Variants in CNDP1 observed in about 807,000 individuals in gnomAD.
CNDP1 encodes the protein carnosine dipeptidase 1.
Under a neutral mutation model 58.1 loss-of-function variants are expected in CNDP1, and 44 were observed. The observed-to-expected ratio is 0.76, with a 90% confidence interval of 0.60 to 0.97. The LOEUF (loss-of-function observed/expected upper bound fraction) is 0.97. Ranked by LOEUF, CNDP1 falls within the 50% of genes least tolerant of loss-of-function variation. The pLI is 0.00. For synonymous variants in CNDP1, 254 were observed against 252.6 expected, an observed-to-expected ratio of 1.01 and a Z score of -0.05; for missense variants, 616 against 655.1, an observed-to-expected ratio of 0.94 and a Z score of 0.65.
chr18:74,567,282 G>C lies in CNDP1; in HGVS notation c.605G>C (p.Gly202Ala), dbSNP rs1299893381. 6.2e-7 allele frequency: 1 copy of C among 1,614,192 alleles called. No individual in the cohort carries two copies. The highest frequency in any genetic ancestry group is 8.5e-7 in the Non-Finnish European group (1 of 1,180,012). ...ATCATTGAGGGGATGGAAGAGGCTG[G>C]CTCTGTTGCCCTGGAGGAACTTGTG... ...KFIIEGMEEA[G>A]SVALEELVEK... Residue 202 changes from glycine (G) to alanine (A), a missense_variant, in exon 6 of 12, where the codon GGC becomes GCC. Gly to Ala is a moderately conservative substitution (Grantham distance 60, BLOSUM62 0). Transcript: ENST00000358821.
chr18:74,584,740 G>A lies in CNDP1; in HGVS notation c.*178G>A, dbSNP rs1043161680. On this transcript the variant is annotated 3_prime_UTR_variant, in exon 12 of 12. Coordinates refer to ENST00000358821, the MANE Select transcript of CNDP1 (RefSeq NM_032649.6). Reference sequence around the variant, plus strand: ...AATAAAATATTTCAAAGGCACAGATGTTGGAAATGGTTTAAGGTCCCCCAC... The same window carrying A: ...AATAAAATATTTCAAAGGCACAGATATTGGAAATGGTTTAAGGTCCCCCAC... 4.0e-5 allele frequency: 23 copies of A among 579,990 alleles called. No homozygotes were observed. The highest frequency in any genetic ancestry group is 2.8e-4 in the African/African-American group (15 of 53,648). The allele number at this position is 579,990 out of a possible 1,614,324, so 35.9% of individuals were successfully genotyped here. A position where few individuals can be genotyped will look rare whatever the true frequency, so the allele number is the denominator to read the frequency against.
rs35859995 is a variant in CNDP1, at chr18:74,585,994, C to CAAAAAAAAAA, written c.*1448_*1457dup. ...GGGCGACAGAGTGAGACTCCGTCTCCAAAAAAAAAAAAAAAAAAAAAAAAA... is the reference window on the plus strand; with the variant it reads ...GGGCGACAGAGTGAGACTCCGTCTCCAAAAAAAAAAAAAAAAAAAAAAAAAAAAAAAAAAA... On this transcript the variant is annotated 3_prime_UTR_variant, in exon 12 of 12. Transcript: ENST00000358821. 3.8e-4 allele frequency: 26 copies of CAAAAAAAAAA among 68,224 alleles called. No homozygotes were observed. The highest frequency in any genetic ancestry group is 5.6e-4 in the Non-Finnish European group (22 of 39,042). The allele number at this position is 68,224 out of a possible 1,614,324, so 4.2% of individuals were successfully genotyped here. A position where few individuals can be genotyped will look rare whatever the true frequency, so the allele number is the denominator to read the frequency against.
chr18:74,571,153 A>G, intron 6 of CNDP1, 33 bp from the exon 7 acceptor site: 1 of 1,412,394 alleles, frequency 7.1e-7, no homozygotes, highest in Non-Finnish European at 1.0e-6. Context: ...CCAAGGCAGG[A>G]AGTATATCTC....
At chr18:74,535,447 C>T (rs1980462497) in intron 1 of CNDP1, among the ~76,000 whole-genome samples, 1 of 152,220 alleles carries the variant, frequency 6.6e-6, no homozygotes, top group South Asian at 2.1e-4. Flanking sequence ...AGGTGGTGAC[C>T]TGACCACAGC....
At chr18:74,555,834 T>C (rs776917529) in intron 1 of CNDP1, among the ~76,000 whole-genome samples, 6 of 152,150 alleles carry the variant, frequency 3.9e-5, no homozygotes, top group Non-Finnish European at 5.9e-5. Context: ...ACGTTTTTCT[T>C]CCTTTCCTGT....
At chr18:74,578,091 G>T in intron 8 of CNDP1, 72 bp from the exon 9 acceptor site, 1 of 1,372,742 alleles carries the variant, frequency 7.3e-7, no homozygotes, top group Non-Finnish European at 1.0e-6. Context: ...GAGGCAGAGG[G>T]TGGTAACACA....
intron 10 of CNDP1, among the ~76,000 whole-genome samples, chr18:74,583,304 G>A (rs946880586): frequency 6.6e-6 from 1 of 152,142 alleles, no homozygotes; most frequent in African/African-American, 2.4e-5. Flanking sequence ...ACTGCACCTG[G>A]CTCTAAAATC....
chr18:74,537,671 T>A lies in CNDP1; in HGVS notation c.24+2980T>A, dbSNP rs114651691. ...GTGCTGTGGGCACTCACCCTTTGGA[T>A]GGGGCACATGCAGTGAGCATGTGTG... On this transcript the variant is annotated intron_variant, in intron 1 of 11. Transcript: ENST00000358821. Among the ~76,000 whole-genome samples, 540 of 152,214 alleles carry A rather than the reference T, an allele frequency of 3.5e-3. 1 individual carries two copies. The highest frequency in any genetic ancestry group is 0.012 in the African/African-American group (500 of 41,538).
chr18:74,557,289 A>T (rs2144653246), intron 2 of CNDP1, among the ~76,000 whole-genome samples: 1 of 151,882 alleles, frequency 6.6e-6, no homozygotes, highest in Non-Finnish European at 1.5e-5. Context: ...TGGCACAAAC[A>T]CAGCTCACTG....
chr18:74,563,123 G>A (rs1981244342), intron 5 of CNDP1, among the ~76,000 whole-genome samples: 1 of 152,186 alleles, frequency 6.6e-6, no homozygotes, highest in African/African-American at 2.4e-5. Flanking sequence ...TCAGGTGCCA[G>A]GGGCTTCCCT....
chr18:74,551,086 G>C (rs1980893667), intron 1 of CNDP1, among the ~76,000 whole-genome samples: 1 of 152,066 alleles, frequency 6.6e-6, no homozygotes, highest in South Asian at 2.1e-4. Flanking sequence ...AAGACTGGTT[G>C]TTTAAAGTGT....
In CNDP1 at chr18:74,547,508, A is replaced by G. The variant is rs183330026; in HGVS notation, c.25-8830A>G. On this transcript the variant is annotated intron_variant, in intron 1 of 11. Coordinates refer to ENST00000358821, the MANE Select transcript of CNDP1 (RefSeq NM_032649.6). ...ACCAGTGCAGAAGTGGGGTTTTCCC[A>G]CAGCACCCCTGCTCCATCCTCCTTT... Among the ~76,000 whole-genome samples the G allele has an allele frequency of 1.2e-3, 182 of 152,350 alleles. 1 individual carries two copies. In the Middle Eastern group the frequency reaches 0.017, roughly 14 times the overall value.
intron 6 of CNDP1, among the ~76,000 whole-genome samples, chr18:74,569,705 A>G (rs765527390): frequency 6.6e-6 from 1 of 152,166 alleles, no homozygotes; most frequent in Non-Finnish European, 1.5e-5. Flanking sequence ...CATGGGCTCC[A>G]TGGAGTTCCC....
intron 8 of CNDP1, 51 bp downstream of exon 8, chr18:74,577,080 T>C (rs113210113): frequency 2.0e-6 from 3 of 1,497,230 alleles, no homozygotes; most frequent in Non-Finnish European, 2.7e-6. Flanking sequence ...GGCTAGTATA[T>C]CATATTTGCC....
intron 5 of CNDP1, among the ~76,000 whole-genome samples, chr18:74,563,380 T>C (rs571247127): frequency 6.6e-6 from 1 of 152,310 alleles, no homozygotes; most frequent in South Asian, 2.1e-4. Flanking sequence ...CCTCTCCTTC[T>C]CTTTCTTCCT....
intron 6 of CNDP1, among the ~76,000 whole-genome samples, chr18:74,569,572 T>G (rs1981417682): frequency 6.6e-6 from 1 of 152,164 alleles, no homozygotes; most frequent in South Asian, 2.1e-4. Context: ...CATGGTTGTA[T>G]TAATAGCATC....
In CNDP1 at chr18:74,584,852, A is replaced by G. The variant is rs994438610; in HGVS notation, c.*290A>G. The G allele has an allele frequency of 8.2e-5, 26 of 315,686 alleles. No individual in the cohort carries two copies. The highest frequency in any genetic ancestry group is 5.0e-4 in the African/African-American group (24 of 48,170). 19.6% of individuals were successfully genotyped at this position (315,686 alleles called of 1,614,324 possible). ...TAGCCCCAGGATTGGATTCCTTCAA[A>G]CCTTTTAGCATATCTCCAACCTTGC... On this transcript the variant is annotated 3_prime_UTR_variant, in exon 12 of 12. Transcript: ENST00000358821.
chr18:74,564,693 T>G (rs1981283281), intron 5 of CNDP1, among the ~76,000 whole-genome samples: 1 of 152,160 alleles, frequency 6.6e-6, no homozygotes, highest in Non-Finnish European at 1.5e-5. Context: ...AGAATTTGCT[T>G]TTCTGTAGCT....
In CNDP1 at chr18:74,540,419, C is replaced by T. The variant is rs1980589937; in HGVS notation, c.24+5728C>T. ...AGGTGATCCACCCGCCTCATCCTCC[C>T]AAGGTGTTGGGATTACAGGTGTGAG... On this transcript the variant is annotated intron_variant, in intron 1 of 11. Transcript: ENST00000358821. Among the ~76,000 whole-genome samples, 4 of 152,176 alleles carry T rather than the reference C, an allele frequency of 2.6e-5. No homozygotes were observed. In the South Asian group the frequency reaches 8.3e-4, roughly 32 times the overall value.
Sources: gnomAD v4.1 joint callset for allele counts (sites outside exome capture counted in the v4.1 genomes callset) on GRCh38, gnomAD v4.1.1 for gene constraint, MANE v1.5 for transcripts, NCBI Gene and HGNC (gene_info 2026-07-23, HGNC 2026-07-21) for gene names.